The following MYH7B variants were observed in gnomAD, a reference collection of about 807,000 sequenced individuals.
MYH7B encodes myosin-7B.
MYH7B carries 205 observed loss-of-function variants against 234.5 expected under a neutral mutation model. That is an observed-to-expected ratio of 0.87 (90% CI 0.78 to 0.98). The LOEUF (loss-of-function observed/expected upper bound fraction) is 0.98. Among genes scored for constraint, MYH7B ranks in the 50% least tolerant of loss-of-function variants. MYH7B has a pLI of 0.00. For synonymous variants in MYH7B, 1,193 were observed against 1,105.0 expected (o/e 1.08, Z -1.58); for missense variants, 2,652 against 2,633.4 (o/e 1.01, Z -0.15).
chr20:34,999,017 CCTT>C, intron 35 of MYH7B, 36 bp from the exon 36 acceptor site: 1 of 1,586,246 alleles, frequency 6.3e-7, no homozygotes, highest in Non-Finnish European at 8.6e-7. Context: ...TGTTCTCCCT[CCTT>C]CCATGGTCCA....
At chr20:34,964,782 A>G (rs2081728605) in intron 2 of MYH7B, among the ~76,000 whole-genome samples, 1 of 152,206 alleles carries the variant, frequency 6.6e-6, no homozygotes, top group Non-Finnish European at 1.5e-5. Context: ...ATTAAAAAAC[A>G]AGGGAATTGC....
At chr20:34,979,706 C>G (rs572570454) in exon 7 of MYH7B, 15 of 1,614,204 alleles carry the variant, frequency 9.3e-6, no homozygotes, top group Non-Finnish European at 1.3e-5. Flanking sequence ...GAACCCGCCT[C>G]GCTTCGACTT....
chr20:34,973,780 G>C (rs2081816253), intron 2 of MYH7B, among the ~76,000 whole-genome samples: 1 of 152,044 alleles, frequency 6.6e-6, no homozygotes, highest in Non-Finnish European at 1.5e-5. Flanking sequence ...TTTTTTGAGA[G>C]GGAGTCTTGC....
At chr20:34,985,214 G>A in intron 13 of MYH7B, 85 bp downstream of exon 13, 2 of 1,315,290 alleles carry the variant, frequency 1.5e-6, no homozygotes, top group Non-Finnish European at 2.2e-6. Context: ...ACGACTTCTG[G>A]GCTCCTGCCT....
At position 34,988,271 on chromosome 20, in the gene MYH7B, C is replaced by A; in HGVS notation, c.1587+9C>A. ...TCGACCTCATCGAGAAGGTGGGTGCCGCGGCAAGGTCACTTTGAGGAAGGG... is the reference window on the plus strand; with the variant it reads ...TCGACCTCATCGAGAAGGTGGGTGCAGCGGCAAGGTCACTTTGAGGAAGGG... On this transcript the variant is annotated intron_variant, in intron 19 of 44. Transcript: ENST00000262873. 6.2e-7 allele frequency: 1 copy of A among 1,607,588 alleles called. No individual in the cohort carries two copies. The highest frequency in any genetic ancestry group is 8.5e-7 in the Non-Finnish European group (1 of 1,175,224).
chr20:34,984,665 C>T, intron 10 of MYH7B, 27 bp from the exon 11 acceptor site: 1 of 1,600,590 alleles, frequency 6.2e-7, no homozygotes, highest in Non-Finnish European at 8.5e-7. Flanking sequence ...GCCTGGCCCT[C>T]TAATGTTGTC....
chr20:34,995,559 A>C, exon 28 of MYH7B: 1 of 1,613,994 alleles, frequency 6.2e-7, no homozygotes, highest in Non-Finnish European at 8.5e-7. Context: ...GAGAAGGAGA[A>C]GCAAGCCACT....
intron 1 of MYH7B, among the ~76,000 whole-genome samples, chr20:34,957,496 T>TTC (rs1282323163): frequency 6.7e-6 from 1 of 149,164 alleles, no homozygotes; most frequent in Non-Finnish European, 1.5e-5. Context: ...TTTTTTTTTT[T>TTC]TTTTTTTTTG....
chr20:34,996,553 C>T (rs201191012), intron 29 of MYH7B, 31 bp downstream of exon 29: 282 of 1,601,344 alleles, frequency 1.8e-4, no homozygotes, highest in South Asian at 2.3e-4. Flanking sequence ...GACTGGGTGG[C>T]GGGGCCGGGG....
At chr20:34,974,738 C>T (rs1315084314) in intron 2 of MYH7B, among the ~76,000 whole-genome samples, 2 of 152,186 alleles carry the variant, frequency 1.3e-5, no homozygotes, top group Admixed American at 6.5e-5. Context: ...TAAATTGCTC[C>T]AGCCCAGCTC....
intron 2 of MYH7B, among the ~76,000 whole-genome samples, 127 bp downstream of exon 2, chr20:34,958,339 G>A (rs1366371704): frequency 6.6e-6 from 1 of 152,216 alleles, no homozygotes; most frequent in Non-Finnish European, 1.5e-5. Context: ...AATCTTTCCA[G>A]GGAGCGTTTG....
At chr20:34,979,573 AG>A (rs1320529583) in intron 6 of MYH7B, 77 bp downstream of exon 6, 11 of 1,600,990 alleles carry the variant, frequency 6.9e-6, no homozygotes, top group African/African-American at 1.3e-5. Context: ...CTCTGGTTGA[AG>A]GGGGTCTGGG....
chr20:34,976,149 C>T (rs1052809645), intron 3 of MYH7B, among the ~76,000 whole-genome samples: 6 of 152,238 alleles, frequency 3.9e-5, no homozygotes, highest in African/African-American at 4.8e-5. Flanking sequence ...TAGAGCATTT[C>T]CTGCCTCCCA....
At position 34,991,186 on chromosome 20, in the gene MYH7B, C is replaced by T. The variant is rs551462535; in HGVS notation, c.2183+65C>T. The T allele has an allele frequency of 6.9e-6, 8 of 1,151,444 alleles. No individual in the cohort carries two copies. The African/African-American group carries it at 7.7e-5, about 11-fold the overall frequency. The allele number at this position is 1,151,444 out of a possible 1,614,324, so 71.3% of individuals were successfully genotyped here. The stretch of plus-strand genomic sequence containing the variant: ...GGCCTGAGGGGCTGGGCAGGACACA[C>T]ATATCAGAGCCCAACAGACGGTCCC... On this transcript the variant is annotated intron_variant, in intron 24 of 44. Coordinates refer to ENST00000262873, the Ensembl canonical transcript of MYH7B.
chr20:34,971,655 G>A (rs2081794950), intron 2 of MYH7B, among the ~76,000 whole-genome samples: 1 of 152,124 alleles, frequency 6.6e-6, no homozygotes, highest in African/African-American at 2.4e-5. Context: ...GACCATTATG[G>A]CAGCCTCCTC....
chr20:34,999,630 G>C (rs763813486), exon 37 of MYH7B: 20 of 1,613,726 alleles, frequency 1.2e-5, no homozygotes, highest in Admixed American at 1.7e-5. Flanking sequence ...CCAGGAACTG[G>C]AGAAAACCAA....
chr20:34,998,377 T>C (rs554062457), exon 33 of MYH7B: 1 of 1,613,678 alleles, frequency 6.2e-7, no homozygotes. Flanking sequence ...CAGCGGCAGC[T>C]GGCGGACGCA....
At chr20:34,997,437 C>A (rs956365407) in exon 32 of MYH7B, 2 of 1,470,230 alleles carry the variant, frequency 1.4e-6, no homozygotes, top group Non-Finnish European at 1.8e-6. Flanking sequence ...GGGGAGGCTG[C>A]GGCGGGAGCT....
At chr20:34,957,772 T>C (rs1427290868) in intron 1 of MYH7B, among the ~76,000 whole-genome samples, 2 of 152,154 alleles carry the variant, frequency 1.3e-5, no homozygotes, top group Non-Finnish European at 2.9e-5. Flanking sequence ...TTACAGGCGT[T>C]AGCCACTGCG....
Sources: allele counts gnomAD v4.1 joint callset (sites outside exome capture counted in the v4.1 genomes callset), GRCh38; gene constraint gnomAD v4.1.1; transcripts MANE v1.5; gene names NCBI Gene and HGNC (gene_info 2026-07-23, HGNC 2026-07-21).